Variants in GAK observed in about 807,000 individuals in gnomAD.
GAK encodes the protein cyclin-G-associated kinase.
A neutral mutation model predicts 143.9 loss-of-function variants in GAK; 79 were observed. That is an observed-to-expected ratio of 0.55 (90% CI 0.46 to 0.66). The LOEUF is 0.66. Ranked by LOEUF, GAK falls within the 30% of genes least tolerant of loss-of-function variation. The pLI, the probability that GAK is intolerant of heterozygous loss-of-function variation, is 0.00. For missense variants in GAK, 1,693 were observed against 1,779.7 expected, an observed-to-expected ratio of 0.95 and a Z score of 0.88; for synonymous variants, 881 against 765.5, an observed-to-expected ratio of 1.15 and a Z score of -2.49.
At chr4:902,605 A>AAAAAACAAAAAAC (rs1553889066) in intron 5 of GAK, among the ~76,000 whole-genome samples, 3 of 130,386 alleles carry the variant, frequency 2.3e-5, no homozygotes, top group East Asian at 2.4e-4. Flanking sequence ...TCAAAAAAAA[A>AAAAAACAAAAAAC]AAAAAAAAAC....
At chr4:851,446 C>A in intron 25 of GAK, 2 of 517,354 alleles carry the variant, frequency 3.9e-6, no homozygotes, top group South Asian at 4.7e-5. Context: ...CACCTGCTGC[C>A]CCCGGGAACA....
chr4:877,860 A>G, intron 15 of GAK, 51 bp from the exon 16 acceptor site: 1 of 1,470,756 alleles, frequency 6.8e-7, no homozygotes, highest in East Asian at 2.4e-5. Flanking sequence ...AGAGGGGACC[A>G]CACAGCTGAT....
In GAK at chr4:888,856, G is replaced by A; in HGVS notation, c.1196C>T (p.Ser399Phe). The A allele has an allele frequency of 6.2e-7, 1 of 1,606,474 alleles. No homozygotes were observed. The change falls in exon 11 of 28, where the codon TCC becomes TTC. Residue 399 changes from serine to phenylalanine, a missense_variant. Around this residue, in one of 2 missense-constraint regions of GAK, gnomAD observed 871 missense variants for 991.0 expected, o/e 0.88. Coordinates refer to ENST00000314167, the MANE Select transcript of GAK (RefSeq NM_005255.4). ...GGAGCCTCACACTCACTTAGCGACG[G>A]ACTGGATGACCTTGGAGGAGGTGTC... ...LKDTSSKVIQSVANYAKGDLD... is the reference protein window; with the variant it reads ...LKDTSSKVIQFVANYAKGDLD...
At chr4:863,667 C>T (rs554263099) in intron 23 of GAK, among the ~76,000 whole-genome samples, 109 of 152,316 alleles carry the variant, frequency 7.2e-4, no homozygotes, top group Middle Eastern at 3.4e-3. Flanking sequence ...CATTTTTTAG[C>T]AATGAAGTAT....
chr4:902,185 C>T (rs917802949), intron 5 of GAK, among the ~76,000 whole-genome samples: 3 of 151,120 alleles, frequency 2.0e-5, no homozygotes, highest in African/African-American at 2.4e-5. Flanking sequence ...CTGCATGAGC[C>T]GAGATCGTGC....
chr4:876,721 G>A (rs1713970242), intron 17 of GAK, 112 bp from the exon 18 acceptor site: 1 of 888,284 alleles, frequency 1.1e-6, no homozygotes, highest in African/African-American at 1.6e-5. Context: ...GGTGCTGGAG[G>A]CATGGACGGC....
rs533412730 is a variant in GAK at position 861,921 on chromosome 4, C to T, written c.3167-2199G>A. On this transcript the variant is annotated intron_variant, in intron 23 of 27. Coordinates refer to ENST00000314167, the MANE Select transcript of GAK (RefSeq NM_005255.4). ...ATGAAGGTGGAAAGAGGTGAAGACG[C>T]TGCAGAAGAAAAGTGAAGCCAGCAG... Among the ~76,000 whole-genome samples the T allele has an allele frequency of 4.1e-4, 62 of 152,240 alleles. 1 individual carries two copies. The highest frequency in any genetic ancestry group is 4.1e-3 in the Admixed American group (62 of 15,280).
chr4:871,675 A>C (rs1341554975), intron 18 of GAK, among the ~76,000 whole-genome samples: 1 of 135,896 alleles, frequency 7.4e-6, no homozygotes, highest in Admixed American at 7.2e-5. Context: ...AGCAGGGCCC[A>C]CCTTGGGGTG....
chr4:908,724 G>C (rs1051704804), intron 4 of GAK, among the ~76,000 whole-genome samples: 15 of 152,190 alleles, frequency 9.9e-5, no homozygotes, highest in African/African-American at 3.6e-4. Flanking sequence ...GGAGTTTGAA[G>C]CTACAGTGAG....
intron 27 of GAK, 59 bp from the exon 28 acceptor site, chr4:849,833 G>GGGGGGGCCCCCCCCCC: frequency 1.7e-6 from 2 of 1,190,152 alleles, no homozygotes; most frequent in African/African-American, 2.1e-5. Context: ...GGCGGGGCAG[G>GGGGGGGCCCCCCCCCC]ACCCCCCCCC....
intron 23 of GAK, among the ~76,000 whole-genome samples, chr4:860,126 A>G (rs921409284): frequency 2.6e-5 from 4 of 152,190 alleles, no homozygotes; most frequent in Non-Finnish European, 5.9e-5. Context: ...CCCTGTCTCT[A>G]CAAAAAATAA....
chr4:918,274 G>A (rs538864989), intron 1 of GAK, among the ~76,000 whole-genome samples: 2 of 152,326 alleles, frequency 1.3e-5, no homozygotes, highest in South Asian at 2.1e-4. Context: ...ACAAAAAACT[G>A]ACTTCTAACA....
At position 895,236 on chromosome 4, in the gene GAK, T is replaced by C. The variant is rs568765693; in HGVS notation, c.741+1224A>G. Among the ~76,000 whole-genome samples, 5 of 152,280 alleles carry C rather than the reference T, an allele frequency of 3.3e-5. No individual in the cohort carries two copies. In the South Asian group the frequency reaches 1.0e-3, roughly 32 times the overall value. ...CAGCCTCCTCAGTCTGCTCAGGATT[T>C]TCGCAGAACTGGCCTTGAACAATCA... On this transcript the variant is annotated intron_variant, in intron 7 of 27. Coordinates refer to ENST00000314167, the MANE Select transcript of GAK (RefSeq NM_005255.4).
chr4:920,457 C>T (rs977085386), intron 1 of GAK, among the ~76,000 whole-genome samples: 4 of 151,502 alleles, frequency 2.6e-5, no homozygotes, highest in South Asian at 4.2e-4. Context: ...GTGGTGAAAA[C>T]GCCACCAGGA....
At chr4:860,083 A>T (rs56253935) in intron 23 of GAK, among the ~76,000 whole-genome samples, 23,779 of 152,158 alleles carry the variant, frequency 0.16, 2,080 homozygotes, top group Middle Eastern at 0.3. Flanking sequence ...TAAGTATAAA[A>T]TCATAAAATA....
At chr4:859,349 A>C in intron 24 of GAK, 1 of 1,433,152 alleles carries the variant, frequency 7.0e-7, no homozygotes, top group Non-Finnish European at 9.2e-7. Flanking sequence ...TGAGGACAGG[A>C]TGGATCACGC....
chr4:869,631 G>A (rs1404950062), intron 19 of GAK: 1 of 49,922 alleles, frequency 2.0e-5, no homozygotes, highest in Non-Finnish European at 3.9e-5. Flanking sequence ...ACACATGAAT[G>A]CACACACACA....
intron 16 of GAK, among the ~76,000 whole-genome samples, 195 bp downstream of exon 16, chr4:877,420 A>G (rs375380440): frequency 6.6e-6 from 1 of 151,978 alleles, no homozygotes; most frequent in South Asian, 2.1e-4. Context: ...CCCATTCTCA[A>G]GTCTCCTGGA....
intron 12 of GAK, 34 bp downstream of exon 12, chr4:884,003 G>C (rs1047081881): frequency 3.7e-6 from 6 of 1,600,926 alleles, no homozygotes; most frequent in Admixed American, 3.3e-5. Context: ...GGAAGGGCCG[G>C]GGCGCGTCCC....
Sources: gnomAD v4.1 joint callset for allele counts (sites outside exome capture counted in the v4.1 genomes callset) on GRCh38, gnomAD v4.1.1 for gene constraint, gnomAD v4.1.1 regional missense constraint, MANE v1.5 for transcripts, NCBI Gene and HGNC (gene_info 2026-07-23, HGNC 2026-07-21) for gene names.